The following ADAMTSL1 variants were observed in gnomAD, a reference collection of about 807,000 sequenced individuals.
ADAMTSL1 encodes the protein ADAMTS-like protein 1.
In ADAMTSL1, 126 loss-of-function variants were observed where a neutral mutation model predicts 201.8. That is an observed-to-expected ratio of 0.62 (90% CI 0.54 to 0.72). ADAMTSL1 has a LOEUF of 0.72. Ranked by LOEUF, ADAMTSL1 falls within the 30% of genes least tolerant of loss-of-function variation. The pLI, the probability that ADAMTSL1 is intolerant of heterozygous loss-of-function variation, is 0.00. For synonymous variants in ADAMTSL1, 1,121 were observed against 903.4 expected, an observed-to-expected ratio of 1.24 and a Z score of -4.32; for missense variants, 2,679 against 2,277.8, an observed-to-expected ratio of 1.18 and a Z score of -3.59.
At chr9:18,328,255 A>T (rs1039639533) in intron 2 of ADAMTSL1, among the ~76,000 whole-genome samples, 3 of 152,102 alleles carry the variant, frequency 2.0e-5, no homozygotes, top group African/African-American at 7.2e-5. Context: ...GAATATAATG[A>T]CCCGCAGTTC....
chr9:18,212,480 AC>A (rs1446943319), intron 2 of ADAMTSL1, among the ~76,000 whole-genome samples: 28 of 152,330 alleles, frequency 1.8e-4, no homozygotes, highest in African/African-American at 6.7e-4. Context: ...GTAATATTTT[AC>A]TTGTCACTAT....
intron 2 of ADAMTSL1, among the ~76,000 whole-genome samples, chr9:18,362,411 A>G (rs1398254696): frequency 6.6e-6 from 1 of 152,232 alleles, no homozygotes; most frequent in Non-Finnish European, 1.5e-5. Flanking sequence ...TGAAAATTTT[A>G]GCAATTAACT....
In ADAMTSL1 at chr9:18,507,051, G is replaced by C. The variant is rs138418140; in HGVS notation, c.191+2095G>C. 2.2e-3 allele frequency among the ~76,000 whole-genome samples: 338 copies of C among 152,172 alleles called. 1 individual carries two copies. Among genetic ancestry groups the C allele is most frequent in the African/African-American group, 7.8e-3 (322 of 41,504 alleles). ...TCATCATTAAACTCTGGAACAATCT[G>C]GATAGAAAATGTAATATATATTTTT... is the stretch of plus-strand genomic sequence containing the variant. On this transcript the variant is annotated intron_variant, in intron 2 of 28. Coordinates refer to ENST00000380548, the MANE Select transcript of ADAMTSL1 (RefSeq NM_001040272.6).
intron 15 of ADAMTSL1, among the ~76,000 whole-genome samples, chr9:18,729,436 C>G (rs1226785338): frequency 6.6e-6 from 1 of 152,184 alleles, no homozygotes; most frequent in Admixed American, 6.5e-5. Context: ...GGGAGCAAGA[C>G]CTACCTGGCC....
intron 2 of ADAMTSL1, among the ~76,000 whole-genome samples, chr9:18,341,449 T>TA (rs910889434): frequency 1.3e-5 from 2 of 152,162 alleles, no homozygotes; most frequent in Non-Finnish European, 2.9e-5. Context: ...CCAAATGACT[T>TA]TCATTTTGGA....
intron 4 of ADAMTSL1, among the ~76,000 whole-genome samples, chr9:18,586,784 T>A (rs1474208814): frequency 1.3e-5 from 2 of 151,822 alleles, no homozygotes; most frequent in East Asian, 1.9e-4. Flanking sequence ...AGCCCAGAAA[T>A]AAGGCCACAC....
At chr9:18,421,362 GTTA>G (rs1818939794) in intron 2 of ADAMTSL1, among the ~76,000 whole-genome samples, 1 of 151,958 alleles carries the variant, frequency 6.6e-6, no homozygotes, top group Non-Finnish European at 1.5e-5. Flanking sequence ...GTTCTTACAA[GTTA>G]TTATCATTCT....
chr9:17,920,599 T>C (rs1241991057), intron 1 of ADAMTSL1, among the ~76,000 whole-genome samples: 1 of 152,186 alleles, frequency 6.6e-6, no homozygotes, highest in Non-Finnish European at 1.5e-5. Flanking sequence ...CTCATGTTGC[T>C]ATTGAGGAAT....
intron 2 of ADAMTSL1, among the ~76,000 whole-genome samples, chr9:18,506,763 G>A (rs925333273): frequency 6.6e-6 from 1 of 151,962 alleles, no homozygotes. Flanking sequence ...TTACTTTCAA[G>A]TATTAAAAAT....
At chr9:17,968,370 T>C (rs750566254) in intron 1 of ADAMTSL1, among the ~76,000 whole-genome samples, 8 of 152,232 alleles carry the variant, frequency 5.3e-5, no homozygotes, top group South Asian at 2.1e-4. Flanking sequence ...GGGAATAGTA[T>C]GAGAACAGTG....
chr9:17,914,759 A>G (rs563500669), intron 1 of ADAMTSL1, among the ~76,000 whole-genome samples: 3 of 152,032 alleles, frequency 2.0e-5, no homozygotes, highest in African/African-American at 4.8e-5. Context: ...ACATGATTGT[A>G]TATCTAGAAA....
intron 13 of ADAMTSL1, among the ~76,000 whole-genome samples, chr9:18,693,886 T>A (rs942935450): frequency 6.6e-6 from 1 of 152,152 alleles, no homozygotes; most frequent in African/African-American, 2.4e-5. Flanking sequence ...AGTGCATTAG[T>A]CTCTTCTCAC....
chr9:18,573,950 C>A (rs1417063178), intron 3 of ADAMTSL1, 80 bp from the exon 4 acceptor site: 6 of 1,123,178 alleles, frequency 5.3e-6, no homozygotes, highest in Non-Finnish European at 6.5e-6. Context: ...AAGACCTAAG[C>A]AGACCATATA....
intron 2 of ADAMTSL1, among the ~76,000 whole-genome samples, chr9:18,217,082 G>A (rs915878822): frequency 6.6e-6 from 1 of 152,106 alleles, no homozygotes; most frequent in Non-Finnish European, 1.5e-5. Flanking sequence ...GCCCCTCTAG[G>A]GAAGGGGCAT....
chr9:18,399,287 A>G, intron 2 of ADAMTSL1, among the ~76,000 whole-genome samples: 1 of 64,770 alleles, frequency 1.5e-5, no homozygotes, highest in South Asian at 5.8e-4. Context: ...TTACATATAT[A>G]TATATATATA....
At chr9:18,562,741 T>C (rs1821608716) in intron 3 of ADAMTSL1, among the ~76,000 whole-genome samples, 1 of 152,228 alleles carries the variant, frequency 6.6e-6, no homozygotes, top group Non-Finnish European at 1.5e-5. Context: ...TCTAATCTTG[T>C]CTTCACGGTT....
rs116062954 is a variant in ADAMTSL1 at position 18,000,305 on chromosome 9, A to C, written c.87+93383A>C. On this transcript the variant is annotated intron_variant, in intron 1 of 29. Transcript: ENST00000680146. ...TTTTAATGATTAAAAAGTCATTAAAAAGTCAGACACTTTTTTTCTGTCTCC... is the reference window on the plus strand; with the variant it reads ...TTTTAATGATTAAAAAGTCATTAAACAGTCAGACACTTTTTTTCTGTCTCC... 6.9e-3 allele frequency among the ~76,000 whole-genome samples: 1,051 copies of C among 152,028 alleles called. 14 individuals carry two copies. The highest frequency in any genetic ancestry group is 0.024 in the African/African-American group (1,007 of 41,500).
intron 21 of ADAMTSL1, among the ~76,000 whole-genome samples, chr9:18,823,789 C>T (rs568963905): frequency 9.9e-5 from 15 of 152,240 alleles, no homozygotes; most frequent in South Asian, 8.3e-4. Flanking sequence ...AGGAGTTCAA[C>T]GCCAGCCTGG....
chr9:17,998,411 G>C (rs980244467), intron 1 of ADAMTSL1, among the ~76,000 whole-genome samples: 1 of 151,970 alleles, frequency 6.6e-6, no homozygotes, highest in African/African-American at 2.4e-5. Flanking sequence ...AGACAGGTGA[G>C]AACCTTGCTA....
Sources: gnomAD v4.1 joint callset for allele counts (sites outside exome capture counted in the v4.1 genomes callset) on GRCh38, gnomAD v4.1.1 for gene constraint, MANE v1.5 for transcripts, NCBI Gene and HGNC (gene_info 2026-07-23, HGNC 2026-07-21) for gene names.